PDE1C: variants seen among roughly 807,000 people sequenced by gnomAD.
The protein encoded by PDE1C is phosphodiesterase 1C.
In PDE1C, 62 loss-of-function variants were observed where a neutral mutation model predicts 93.1. The observed-to-expected ratio is 0.67, with a 90% confidence interval of 0.54 to 0.82. The LOEUF is 0.82. Ranked by LOEUF, PDE1C falls within the 40% of genes least tolerant of loss-of-function variation. PDE1C has a pLI of 0.00. For missense variants in PDE1C, 742 were observed against 884.6 expected, an observed-to-expected ratio of 0.84 and a Z score of 2.04; for synonymous variants, 325 against 310.1, an observed-to-expected ratio of 1.05 and a Z score of -0.50.
At chr7:32,207,036 C>A (rs540959905) in intron 2 of PDE1C, among the ~76,000 whole-genome samples, 2 of 152,174 alleles carry the variant, frequency 1.3e-5, no homozygotes, top group Admixed American at 6.5e-5. Flanking sequence ...TAGGCAGATG[C>A]TCTAACTGAA....
At chr7:31,839,238 A>T (rs938167086) in intron 9 of PDE1C, among the ~76,000 whole-genome samples, 2 of 149,114 alleles carry the variant, frequency 1.3e-5, no homozygotes, top group African/African-American at 4.9e-5. Flanking sequence ...ATATGTATGT[A>T]TGTGTGTATA....
chr7:32,308,656 TA>T (rs1813084515), intron 1 of PDE1C, among the ~76,000 whole-genome samples: 1 of 152,256 alleles, frequency 6.6e-6, no homozygotes, highest in Admixed American at 6.5e-5. Context: ...AGTGGACCCC[TA>T]GCAAACTCCA....
At chr7:32,141,114 G>A (rs1800496061) in intron 3 of PDE1C, among the ~76,000 whole-genome samples, 1 of 152,336 alleles carries the variant, frequency 6.6e-6, no homozygotes, top group East Asian at 1.9e-4. Context: ...AAAATAAGTA[G>A]CTATTCCTCC....
At chr7:31,659,357 A>C in the PDE1C span, among the ~76,000 whole-genome samples, 7 of 152,180 alleles carry the variant, frequency 4.6e-5, no homozygotes, top group Non-Finnish European at 7.3e-5. Flanking sequence ...GTACATTGAC[A>C]CTGATACATT....
intron 2 of PDE1C, among the ~76,000 whole-genome samples, chr7:32,179,083 C>T (rs987973295): frequency 3.3e-5 from 5 of 152,334 alleles, no homozygotes; most frequent in Admixed American, 3.3e-4. Context: ...AATTCTCATT[C>T]TCCTAATCCA....
rs879880982 is a variant in PDE1C at position 31,845,348 on chromosome 7, T to C, written c.980+2620A>G. On this transcript the variant is annotated intron_variant, in intron 9 of 17. Coordinates refer to ENST00000396191, the MANE Select transcript of PDE1C (RefSeq NM_001191057.4). ...CACTTAGATTGTATCCTGAACATTA[T>C]GGATATAAGTTGTAGGGAATCTGGG... is the stretch of plus-strand genomic sequence containing the variant. 8.5e-4 allele frequency among the ~76,000 whole-genome samples: 130 copies of C among 152,318 alleles called. 2 individuals are homozygous for C. The highest frequency in any genetic ancestry group is 2.9e-3 in the African/African-American group (122 of 41,580).
At chr7:31,897,631 A>C (rs1799468505) in intron 2 of PDE1C, among the ~76,000 whole-genome samples, 1 of 152,088 alleles carries the variant, frequency 6.6e-6, no homozygotes, top group South Asian at 2.1e-4. Flanking sequence ...ACTTTTCTCT[A>C]ATATTGTTTT....
chr7:32,111,772 A>G (rs962571960), intron 3 of PDE1C, among the ~76,000 whole-genome samples: 1 of 152,218 alleles, frequency 6.6e-6, no homozygotes, highest in Non-Finnish European at 1.5e-5. Context: ...GAATCAGTAT[A>G]TGAATGCCAT....
intron 1 of PDE1C, among the ~76,000 whole-genome samples, chr7:32,250,533 C>T (rs112536196): frequency 7.1e-4 from 108 of 152,312 alleles, no homozygotes; most frequent in South Asian, 1.2e-3. Context: ...ACCCTGCTGT[C>T]GGCTCTAATT....
Position 32,123,266 on chromosome 7 carries a change from C to G in PDE1C, c.308+46519G>C, listed in dbSNP as rs1799397280. On this transcript the variant is annotated intron_variant, in intron 3 of 18. Coordinates refer to the PDE1C transcript ENST00000396193. ...GCCTAGTACCACATGCATTCACAGC[C>G]AAATTCTAGCAGAGGTACAAAAAGG... Among the ~76,000 whole-genome samples the G allele has an allele frequency of 2.0e-5, 3 of 152,212 alleles. No homozygotes were observed. The South Asian group carries it at 6.2e-4, about 32-fold the overall frequency.
the PDE1C span, among the ~76,000 whole-genome samples, chr7:31,680,096 A>G: frequency 6.6e-6 from 1 of 152,202 alleles, no homozygotes; most frequent in East Asian, 1.9e-4. Context: ...TCTCATCTTT[A>G]GTACACTTAC....
In PDE1C at chr7:32,216,221, A is replaced by G. The variant is rs1202252254; in HGVS notation, c.86-6682T>C. On this transcript the variant is annotated intron_variant, in intron 1 of 18. Transcript: ENST00000396193. ...CATCATTAACTATCCTAGCTCAGAT[A>G]TCGTCTTCTAGGTAGGACCTTCCAT... Among the ~76,000 whole-genome samples, 5 of 152,300 alleles carry G rather than the reference A, an allele frequency of 3.3e-5. No individual in the cohort carries two copies. In the East Asian group the frequency reaches 7.7e-4, roughly 24 times the overall value.
intron 15 of PDE1C, among the ~76,000 whole-genome samples, chr7:31,813,097 G>A (rs1787751949): frequency 6.6e-6 from 1 of 152,066 alleles, no homozygotes; most frequent in African/African-American, 2.4e-5. Flanking sequence ...TAAAATGGTG[G>A]TATTATTGTT....
chr7:32,001,632 G>A (rs1584402290), intron 2 of PDE1C, among the ~76,000 whole-genome samples: 1 of 152,048 alleles, frequency 6.6e-6, no homozygotes, highest in East Asian at 1.9e-4. Flanking sequence ...CATCATTGAG[G>A]GAGTAAATGC....
chr7:32,110,837 GAAAATATCTACCAGT>G (rs1798599235), intron 3 of PDE1C, among the ~76,000 whole-genome samples: 5 of 152,148 alleles, frequency 3.3e-5, no homozygotes, highest in Admixed American at 2.6e-4. Flanking sequence ...TGAGATACAT[GAAAATATCTACCAGT>G]AAAATAGCTA....
intron 2 of PDE1C, among the ~76,000 whole-genome samples, chr7:32,000,049 A>G (rs763001129): frequency 6.6e-6 from 1 of 152,164 alleles, no homozygotes; most frequent in Non-Finnish European, 1.5e-5. Flanking sequence ...CTGAGCTCCC[A>G]TGTTCTCATC....
At chr7:32,122,262 C>A (rs1427460574) in intron 3 of PDE1C, among the ~76,000 whole-genome samples, 1 of 152,168 alleles carries the variant, frequency 6.6e-6, no homozygotes, top group East Asian at 1.9e-4. Flanking sequence ...GACTCCCAAA[C>A]AATAATAGTG....
chr7:32,029,829 T>C (rs1205402054), intron 2 of PDE1C, among the ~76,000 whole-genome samples: 1 of 152,050 alleles, frequency 6.6e-6, no homozygotes, highest in Non-Finnish European at 1.5e-5. Context: ...AGCCAATACA[T>C]TTGTGCATTT....
intron 1 of PDE1C, among the ~76,000 whole-genome samples, chr7:32,225,546 T>C (rs956132100): frequency 7.9e-5 from 12 of 152,096 alleles, no homozygotes; most frequent in Non-Finnish European, 1.5e-5. Flanking sequence ...GTTCTTGTGT[T>C]AGGTGGGAGA....
Sources: allele counts gnomAD v4.1 joint callset (sites outside exome capture counted in the v4.1 genomes callset), GRCh38; gene constraint gnomAD v4.1.1; transcripts MANE v1.5; gene names NCBI Gene and HGNC (gene_info 2026-07-23, HGNC 2026-07-21).